Variants in CPPED1 observed in about 807,000 individuals in gnomAD.
CPPED1 encodes the protein serine/threonine-protein phosphatase CPPED1.
A neutral mutation model predicts 28.0 loss-of-function variants in CPPED1; 28 were observed. That is an observed-to-expected ratio of 1.00 (90% CI 0.74 to 1.37). The LOEUF is 1.37. Among genes scored for constraint, CPPED1 ranks in the 40% most tolerant of loss-of-function variants. CPPED1 has a pLI of 0.00. For missense variants in CPPED1, 504 were observed against 416.5 expected, an observed-to-expected ratio of 1.21 and a Z score of -1.83; for synonymous variants, 198 against 180.2, an observed-to-expected ratio of 1.10 and a Z score of -0.79.
chr16:12,803,856 CT>C lies in CPPED1; in HGVS notation c.-81del. On this transcript the variant is annotated 5_prime_UTR_variant, in exon 1 of 4. Coordinates refer to ENST00000381774, the MANE Select transcript of CPPED1 (RefSeq NM_018340.3). ...ACTTCACACAGAACAACCGCTGGAC[CT>C]GTCCCGCTTTGGGCGACGCCCTTTG... The C allele has an allele frequency of 7.3e-7, 1 of 1,363,664 alleles. No homozygotes were observed. Among genetic ancestry groups the C allele is most frequent in the Admixed American group, 2.4e-5 (1 of 42,246 alleles). 84.5% of individuals were successfully genotyped at this position (1,363,664 alleles called of 1,614,324 possible).
intron 2 of CPPED1, among the ~76,000 whole-genome samples, chr16:12,717,017 T>C (rs1359822097): frequency 6.6e-6 from 1 of 151,724 alleles, no homozygotes; most frequent in Non-Finnish European, 1.5e-5. Context: ...ATCACAGGGC[T>C]TAGGTGGAAC....
chr16:12,660,196 A>G lies in CPPED1; in HGVS notation c.*4690T>C, dbSNP rs1681355042. 6.6e-6 allele frequency: 1 copy of G among 152,232 alleles called. No homozygotes were observed. The highest frequency in any genetic ancestry group is 2.4e-5 in the African/African-American group (1 of 41,470). The allele number at this position is 152,232 out of a possible 1,614,324, so 9.4% of individuals were successfully genotyped here. On this transcript the variant is annotated 3_prime_UTR_variant, in exon 4 of 4. Coordinates refer to ENST00000381774, the MANE Select transcript of CPPED1 (RefSeq NM_018340.3). ...AGTGGATGTTGAAATGATGACAAGA[A>G]GCCAGTTTCTAGAGAGGCACAGTGG... is the stretch of plus-strand genomic sequence containing the variant.
At chr16:12,789,713 G>C (rs1264549978) in intron 1 of CPPED1, among the ~76,000 whole-genome samples, 1 of 152,060 alleles carries the variant, frequency 6.6e-6, no homozygotes, top group African/African-American at 2.4e-5. Flanking sequence ...TTTTGGTAGA[G>C]ACGGGGTTTT....
intron 2 of CPPED1, among the ~76,000 whole-genome samples, chr16:12,727,639 A>G (rs2080176886): frequency 6.6e-6 from 1 of 152,154 alleles, no homozygotes; most frequent in Admixed American, 6.6e-5. Flanking sequence ...ATGAACCACC[A>G]TGCCTGACCG....
chr16:12,663,148 G>T lies in CPPED1; in HGVS notation c.*1738C>A. ...ATGATCTTGGCTCACTGCAACCTCT[G>T]CCTCCTGAGTTCCAGCGATCTCCTG... On this transcript the variant is annotated 3_prime_UTR_variant, in exon 4 of 4. Transcript: ENST00000381774. 6.7e-6 allele frequency: 1 copy of T among 148,892 alleles called. No homozygotes were observed. Among genetic ancestry groups the T allele is most frequent in the Non-Finnish European group, 1.5e-5 (1 of 67,748 alleles). 9.2% of individuals were successfully genotyped at this position (148,892 alleles called of 1,614,324 possible).
intron 2 of CPPED1, among the ~76,000 whole-genome samples, chr16:12,715,813 C>T (rs975709408): frequency 1.3e-5 from 2 of 152,222 alleles, no homozygotes; most frequent in Non-Finnish European, 2.9e-5. Flanking sequence ...CAGGCATGAG[C>T]CACCACTCTC....
intron 2 of CPPED1, among the ~76,000 whole-genome samples, chr16:12,719,914 C>T (rs896993827): frequency 2.0e-5 from 3 of 151,388 alleles, no homozygotes; most frequent in South Asian, 4.2e-4. Context: ...CCAGCCTAGG[C>T]GACAAGAGCA....
chr16:12,738,653 G>GA (rs1195598862), intron 2 of CPPED1, among the ~76,000 whole-genome samples: 1 of 151,926 alleles, frequency 6.6e-6, no homozygotes, highest in Non-Finnish European at 1.5e-5. Flanking sequence ...ACTTAAACAG[G>GA]AAAAAAATTA....
chr16:12,711,616 A>G (rs1174158787), intron 2 of CPPED1, among the ~76,000 whole-genome samples: 2 of 152,134 alleles, frequency 1.3e-5, no homozygotes, highest in African/African-American at 4.8e-5. Context: ...AGTTCAGTGG[A>G]GGGTGGGGCT....
chr16:12,727,431 C>T (rs1239956321), intron 2 of CPPED1, among the ~76,000 whole-genome samples: 1 of 152,142 alleles, frequency 6.6e-6, no homozygotes, highest in Non-Finnish European at 1.5e-5. Flanking sequence ...TAATTCACTA[C>T]AGACTCGACC....
chr16:12,796,237 T>G (rs1369837007), intron 1 of CPPED1, among the ~76,000 whole-genome samples: 2 of 152,012 alleles, frequency 1.3e-5, no homozygotes, highest in African/African-American at 4.8e-5. Flanking sequence ...CTCATGCCTG[T>G]AATCCCAGCA....
intron 2 of CPPED1, among the ~76,000 whole-genome samples, chr16:12,758,833 GA>G (rs2080389527): frequency 6.6e-6 from 1 of 151,936 alleles, no homozygotes; most frequent in South Asian, 2.1e-4. Context: ...AAGACACGAT[GA>G]TGATGATGAT....
chr16:12,728,099 T>C (rs79349031), intron 2 of CPPED1, among the ~76,000 whole-genome samples: 2 of 152,206 alleles, frequency 1.3e-5, no homozygotes, highest in African/African-American at 2.4e-5. Context: ...GCGAAATATT[T>C]GCAATTTCTG....
At chr16:12,708,936 T>C in intron 2 of CPPED1, among the ~76,000 whole-genome samples, 1 of 152,052 alleles carries the variant, frequency 6.6e-6, no homozygotes, top group East Asian at 1.9e-4. Flanking sequence ...AAAAATTAGC[T>C]GGGCATGGTG....
chr16:12,779,674 G>T (rs1172758020), intron 2 of CPPED1, among the ~76,000 whole-genome samples: 1 of 152,052 alleles, frequency 6.6e-6, no homozygotes, highest in Non-Finnish European at 1.5e-5. Context: ...ACCGCGCCCG[G>T]CCATTCTCAT....
intron 3 of CPPED1, among the ~76,000 whole-genome samples, chr16:12,690,000 T>G (rs149538896): frequency 6.6e-4 from 101 of 152,382 alleles, no homozygotes; most frequent in African/African-American, 2.3e-3. Context: ...TGAAATTAAC[T>G]GATTGCCATA....
intron 3 of CPPED1, among the ~76,000 whole-genome samples, chr16:12,696,657 G>A (rs1213259763): frequency 6.6e-6 from 1 of 151,924 alleles, no homozygotes; most frequent in Non-Finnish European, 1.5e-5. Flanking sequence ...TGGCCAGGCT[G>A]GTCTCGAACT....
At chr16:12,678,384 G>C (rs184294931) in intron 3 of CPPED1, among the ~76,000 whole-genome samples, 1 of 152,228 alleles carries the variant, frequency 6.6e-6, no homozygotes, top group East Asian at 1.9e-4. Context: ...GCCATTATAG[G>C]TACCTTGCAT....
rs145061401 is a variant in CPPED1, at chr16:12,716,154, G to A, written c.290-11105C>T. ...CCATGAAAGAGAAAAATATGTAATT[G>A]TGAATGTCACTGGACATGTTACTTC... On this transcript the variant is annotated intron_variant, in intron 2 of 3. Coordinates refer to ENST00000381774, the MANE Select transcript of CPPED1 (RefSeq NM_018340.3). Among the ~76,000 whole-genome samples, 684 of 152,314 alleles carry A rather than the reference G, an allele frequency of 4.5e-3. 7 individuals are homozygous for A. The highest frequency in any genetic ancestry group is 0.016 in the African/African-American group (660 of 41,570).
Sources: allele counts gnomAD v4.1 joint callset (sites outside exome capture counted in the v4.1 genomes callset), GRCh38; gene constraint gnomAD v4.1.1; transcripts MANE v1.5; gene names NCBI Gene and HGNC (gene_info 2026-07-23, HGNC 2026-07-21).